The following RTEL1 variants were observed in gnomAD, a reference collection of about 807,000 sequenced individuals.
RTEL1 encodes regulator of telomere elongation helicase 1.
In RTEL1, 86 loss-of-function variants were observed where a neutral mutation model predicts 162.2. The ratio of observed to expected loss-of-function variants is 0.53; its 90% CI spans 0.45 to 0.63. The LOEUF is 0.63. RTEL1 is among the 30% of genes least tolerant of loss of function. The pLI, the probability that RTEL1 is intolerant of heterozygous loss-of-function variation, is 0.00. For missense variants in RTEL1, 1,941 were observed against 1,750.2 expected, an observed-to-expected ratio of 1.11 and a Z score of -1.95; for synonymous variants, 958 against 717.9, an observed-to-expected ratio of 1.33 and a Z score of -5.35.
Position 63,691,914 on chromosome 20 carries a change from C to T in RTEL1, c.2652+77C>T, listed in dbSNP as rs763633321. On this transcript the variant is annotated intron_variant, in intron 28 of 34. Transcript: ENST00000360203. ...ACGCAGCCGTGGGTGCCCCCAGCCA[C>T]GGCTGGTCCCGATGGGACCAGGGAA... 652 of 1,182,984 alleles carry T rather than the reference C, an allele frequency of 5.5e-4. 1 individual carries two copies. Among genetic ancestry groups the T allele is most frequent in the African/African-American group, 1.6e-3 (108 of 66,456 alleles). 73.3% of individuals were successfully genotyped at this position (1,182,984 alleles called of 1,614,324 possible).
intron 26 of RTEL1, 54 bp downstream of exon 26, chr20:63,690,495 T>TGGGGGGGGGGGGG: frequency 1.7e-6 from 1 of 594,922 alleles, no homozygotes; most frequent in East Asian, 4.2e-5. Flanking sequence ...GCGGGCGGCG[T>TGGGGGGGGGGGGG]GGGGCGGGCA....
At chr20:63,685,381 T>G in intron 14 of RTEL1, 142 bp from the exon 15 acceptor site, 1 of 818,448 alleles carries the variant, frequency 1.2e-6, no homozygotes, top group Non-Finnish European at 1.9e-6. Flanking sequence ...CTCCTGTCCA[T>G]TGGCCTGGGG....
rs952399561 is a variant in RTEL1 at position 63,694,414 on chromosome 20, C to T, written c.3035C>T (p.Ala1012Val). 1 of 1,612,304 alleles carries T rather than the reference C, an allele frequency of 6.2e-7. No individual in the cohort carries two copies. Among genetic ancestry groups the T allele is most frequent in the African/African-American group, 1.3e-5 (1 of 74,928 alleles). Reference sequence around the variant, plus strand: ...CCCAAGCTGACCGTGTCCACGGCTGCAGCCCAGCAGCTGGACCCCCAAGAG... The same window carrying T: ...CCCAAGCTGACCGTGTCCACGGCTGTAGCCCAGCAGCTGGACCCCCAAGAG... ...PDPKLTVSTA[A>V]AQQLDPQEHL... The change falls in exon 31 of 35, where the codon GCA becomes GTA. Residue 1012 changes from alanine to valine, a missense_variant. Ala to Val is a moderately conservative substitution (Grantham distance 64). Coordinates refer to ENST00000360203, the MANE Select transcript of RTEL1 (RefSeq NM_001283009.2).
intron 12 of RTEL1, among the ~76,000 whole-genome samples, 157 bp from the exon 13 acceptor site, chr20:63,679,692 T>A (rs1311929777): frequency 3.3e-5 from 5 of 152,058 alleles, no homozygotes; most frequent in Admixed American, 2.0e-4. Context: ...GCAGCCTGAT[T>A]TCCCCCTCCA....
Position 63,685,907 on chromosome 20 carries a change from C to T in RTEL1, c.1348+35C>T, listed in dbSNP as rs73920970. 3.7e-4 allele frequency: 587 copies of T among 1,585,036 alleles called. 2 individuals are homozygous for T. The African/African-American group carries it at 7.1e-3, about 19-fold the overall frequency. The stretch of plus-strand genomic sequence containing the variant: ...TGGGCCCACACGCTCCCCGCCCGCC[C>T]GGGTGCAGTGCCCGGCACCACCATG... On this transcript the variant is annotated intron_variant, in intron 16 of 34. Transcript: ENST00000360203.
At chr20:63,673,807 C>T (rs1406505239) in intron 9 of RTEL1, 133 bp from the exon 10 acceptor site, 1 of 974,636 alleles carries the variant, frequency 1.0e-6, no homozygotes, top group Admixed American at 2.4e-5. Flanking sequence ...TGGCCTTTTA[C>T]AGACCCCAGG....
intron 30 of RTEL1, among the ~76,000 whole-genome samples, chr20:63,693,591 TCCACCTCCACCACCA>T (rs1568721097): frequency 2.0e-3 from 7 of 3,550 alleles, no homozygotes; most frequent in African/African-American, 4.5e-3. Flanking sequence ...CACCACCACC[TCCACCTCCACCACCA>T]CCACCTCCAC....
In RTEL1 at chr20:63,659,324, G is replaced by T. The variant is rs2089971493; in HGVS notation, c.-79G>T. ...CCAGGAGTGCCCGAGACCCTAAGAT[G>T]TTCGGAGTGGTTTTTTCGCACAGAC... On this transcript the variant is annotated 5_prime_UTR_variant, in exon 2 of 35. The change abolishes an upstream ATG in the 5' untranslated region. Coordinates refer to ENST00000360203, the MANE Select transcript of RTEL1 (RefSeq NM_001283009.2). 5 of 956,518 alleles carry T rather than the reference G, an allele frequency of 5.2e-6. No homozygotes were observed. In the Admixed American group the frequency reaches 7.2e-5, roughly 14 times the overall value. 59.3% of individuals were successfully genotyped at this position (956,518 alleles called of 1,614,324 possible). A position where few individuals can be genotyped will look rare whatever the true frequency, so the allele number is the denominator to read the frequency against.
At chr20:63,672,534 G>A (rs201828603) in intron 8 of RTEL1, 22 bp from the exon 9 acceptor site, 116 of 1,560,556 alleles carry the variant, frequency 7.4e-5, no homozygotes, top group African/African-American at 5.4e-4. Flanking sequence ...CCAGCGCTGC[G>A]TCCCTTCTCT....
chr20:63,685,964 C>A, intron 16 of RTEL1, 92 bp downstream of exon 16: 1 of 1,251,136 alleles, frequency 8.0e-7, no homozygotes, highest in Non-Finnish European at 1.1e-6. Flanking sequence ...AGCCGTGGAT[C>A]TCCTGCCCCC....
chr20:63,664,790 TGAG>T (rs1204447855), intron 6 of RTEL1, among the ~76,000 whole-genome samples: 1 of 152,152 alleles, frequency 6.6e-6, no homozygotes, highest in Non-Finnish European at 1.5e-5. Context: ...TTTGGGCGAA[TGAG>T]GAGACAGCTG....
chr20:63,682,637 G>T, intron 14 of RTEL1: 4 of 985,790 alleles, frequency 4.1e-6, no homozygotes, highest in Non-Finnish European at 4.8e-6. Context: ...GCTCACCCGC[G>T]TTGGCTCCTG....
chr20:63,695,143 C>T lies in RTEL1; in HGVS notation c.3421C>T (p.Pro1141Ser). ...TCTDLTGRPY[P>S]GMEPPGPQEE... The stretch of plus-strand genomic sequence containing the variant: ...CACAGACCTGACCGGCCGGCCCTAC[C>T]CGGGCATGGAGCCACCGGGACCCCA... The change falls in exon 33 of 35, where the codon CCG (proline) becomes TCG (serine). Residue 1141 changes from proline to serine, a missense_variant. Physicochemically the swap from Pro to Ser is moderately conservative, Grantham distance 74. Transcript: ENST00000360203. 6.2e-7 allele frequency: 1 copy of T among 1,612,460 alleles called. No homozygotes were observed. Among genetic ancestry groups the T allele is most frequent in the Non-Finnish European group, 8.5e-7 (1 of 1,179,864 alleles).
intron 30 of RTEL1, 41 bp downstream of exon 30, chr20:63,693,324 G>C (rs1473877485): frequency 6.2e-7 from 1 of 1,607,974 alleles, no homozygotes; most frequent in African/African-American, 1.3e-5. Flanking sequence ...CTCCTGCGTG[G>C]AAGGCAGTGT....
At chr20:63,678,797 GCA>G (rs763157355) in intron 12 of RTEL1, among the ~76,000 whole-genome samples, 2 of 125,066 alleles carry the variant, frequency 1.6e-5, no homozygotes, top group South Asian at 2.7e-4. Flanking sequence ...CCACGGAACA[GCA>G]CACACACTCC....
At chr20:63,677,545 G>A (rs1569094308) in intron 10 of RTEL1, among the ~76,000 whole-genome samples, 1 of 152,228 alleles carries the variant, frequency 6.6e-6, no homozygotes, top group African/African-American at 2.4e-5. Flanking sequence ...CCTGGGACAT[G>A]GAGGTTGCAG....
chr20:63,695,633 T>C lies in RTEL1; in HGVS notation c.3805T>C (p.Trp1269Arg). 6.2e-7 allele frequency: 1 copy of C among 1,611,562 alleles called. No individual in the cohort carries two copies. The highest frequency in any genetic ancestry group is 1.1e-5 in the South Asian group (1 of 91,062). ...TGACTTCCAGCGCTGCCAAGCCTGC[T>C]GGCAACGGCACCTTCAGGTTGGTGC... ...ACDFQRCQAC[W>R]QRHLQASRMC... Residue 1269 changes from tryptophan to arginine, a missense_variant, in exon 34 of 35, where the codon TGG becomes CGG. By Grantham distance (101) the Trp-to-Arg change is moderately radical (BLOSUM62 -3). Transcript: ENST00000360203.
At chr20:63,665,717 C>A (rs1010240820) in intron 6 of RTEL1, among the ~76,000 whole-genome samples, 1 of 152,160 alleles carries the variant, frequency 6.6e-6, no homozygotes, top group African/African-American at 2.4e-5. Context: ...CTTGGGCTGT[C>A]TCGGAGAGGA....
intron 22 of RTEL1, 133 bp downstream of exon 22, chr20:63,689,265 C>A: frequency 1.0e-6 from 1 of 960,468 alleles, no homozygotes; most frequent in Non-Finnish European, 1.5e-6. Context: ...GACTGCTGGC[C>A]CTGCTGGGAG....
Sources: allele counts gnomAD v4.1 joint callset (sites outside exome capture counted in the v4.1 genomes callset), GRCh38; gene constraint gnomAD v4.1.1; transcripts MANE v1.5; gene names NCBI Gene and HGNC (gene_info 2026-07-23, HGNC 2026-07-21).